Variants in RXFP1 observed in about 807,000 individuals in gnomAD.
The protein encoded by RXFP1 is relaxin family peptide receptor 1.
RXFP1 carries 73 observed loss-of-function variants against 89.8 expected under a neutral mutation model. The observed-to-expected ratio is 0.81, with a 90% CI of 0.67 to 0.99. The LOEUF (loss-of-function observed/expected upper bound fraction) is 0.99, where lower values mean the gene tolerates loss of function less well. Ranked by LOEUF, RXFP1 falls within the 50% of genes least tolerant of loss-of-function variation. The pLI is 0.00. For missense variants in RXFP1, 793 were observed against 895.5 expected, an observed-to-expected ratio of 0.89 and a Z score of 1.46; for synonymous variants, 277 against 305.5, an observed-to-expected ratio of 0.91 and a Z score of 0.97.
At chr4:158,607,840 T>C (rs1412367534) in intron 5 of RXFP1, 132 bp from the exon 6 acceptor site, 7 of 556,798 alleles carry the variant, frequency 1.3e-5, no homozygotes, top group Admixed American at 7.3e-5. Flanking sequence ...TTTTTAAGTC[T>C]ACCTTCAGAG....
intron 1 of RXFP1, among the ~76,000 whole-genome samples, chr4:158,535,534 G>C (rs903833520): frequency 2.0e-5 from 3 of 151,862 alleles, no homozygotes; most frequent in Non-Finnish European, 4.4e-5. Context: ...TACCAAAAAT[G>C]GACTAAAATG....
chr4:158,573,013 TTTTTG>T, intron 2 of RXFP1, 178 bp downstream of exon 2: 1 of 926,362 alleles, frequency 1.1e-6, no homozygotes, highest in Non-Finnish European at 1.5e-6. Flanking sequence ...TCTTTTCTTG[TTTTTG>T]TTTTTTTTTG....
chr4:158,607,267 T>C (rs1762700164), intron 5 of RXFP1: 4 of 653,834 alleles, frequency 6.1e-6, no homozygotes, highest in Non-Finnish European at 1.1e-5. Context: ...TATGTAAGCC[T>C]GCATTCTTGT....
rs76266100 is a variant in RXFP1 at position 158,579,907 on chromosome 4, G to A, written c.187+7072G>A. 3.5e-3 allele frequency among the ~76,000 whole-genome samples: 526 copies of A among 152,234 alleles called. 4 individuals carry two copies. The highest frequency in any genetic ancestry group is 0.02 in the East Asian group (102 of 5,180). ...GTGTTTTGTACTCTTTTATGTTATG[G>A]TGAGTCAGGTATGGCTACAAGAGAC... On this transcript the variant is annotated intron_variant, in intron 2 of 17. Coordinates refer to ENST00000307765, the MANE Select transcript of RXFP1 (RefSeq NM_021634.4).
At chr4:158,598,708 A>G (rs1579946905) in intron 3 of RXFP1, among the ~76,000 whole-genome samples, 1 of 152,106 alleles carries the variant, frequency 6.6e-6, no homozygotes. Flanking sequence ...AACACCAGTG[A>G]AAATAGAATC....
chr4:158,544,782 A>AT (rs1023703761), intron 1 of RXFP1, among the ~76,000 whole-genome samples: 7 of 152,022 alleles, frequency 4.6e-5, no homozygotes, highest in Non-Finnish European at 8.8e-5. Flanking sequence ...TGAACTCTTC[A>AT]TTTTTTATGG....
chr4:158,573,018 G>GTTTTTTTT, intron 2 of RXFP1, 183 bp downstream of exon 2: 3 of 723,610 alleles, frequency 4.1e-6, no homozygotes, highest in Non-Finnish European at 6.0e-6. Flanking sequence ...TCTTGTTTTT[G>GTTTTTTTT]TTTTTTTTTG....
At chr4:158,640,060 A>G (rs536390919) in intron 14 of RXFP1, among the ~76,000 whole-genome samples, 10 of 152,264 alleles carry the variant, frequency 6.6e-5, no homozygotes, top group East Asian at 1.9e-4. Context: ...CACTCAGTCT[A>G]TGGTATTTTT....
chr4:158,539,553 G>A (rs1006716926), intron 1 of RXFP1, among the ~76,000 whole-genome samples: 2 of 151,980 alleles, frequency 1.3e-5, no homozygotes, highest in Non-Finnish European at 2.9e-5. Flanking sequence ...AAGATGAAGA[G>A]TATTAACTAG....
chr4:158,589,948 A>G (rs1039515574), intron 2 of RXFP1, among the ~76,000 whole-genome samples: 1 of 152,054 alleles, frequency 6.6e-6, no homozygotes, highest in Non-Finnish European at 1.5e-5. Context: ...GCTACTCAGG[A>G]GGCTGAGGTG....
At chr4:158,650,338 A>G (rs1487724752) in intron 17 of RXFP1, among the ~76,000 whole-genome samples, 1 of 151,978 alleles carries the variant, frequency 6.6e-6, no homozygotes, top group African/African-American at 2.4e-5. Flanking sequence ...ACTTAATGCC[A>G]CTGAGCTGTC....
chr4:158,585,669 T>C (rs1014433111), intron 2 of RXFP1, among the ~76,000 whole-genome samples: 9 of 151,784 alleles, frequency 5.9e-5, no homozygotes, highest in Admixed American at 2.6e-4. Flanking sequence ...TTGAGCTGGA[T>C]GATAAAAGAA....
chr4:158,556,898 T>C (rs930461594), intron 1 of RXFP1, among the ~76,000 whole-genome samples: 3 of 152,138 alleles, frequency 2.0e-5, no homozygotes, highest in Admixed American at 6.5e-5. Context: ...CATAATATCA[T>C]AGATACAGAG....
intron 4 of RXFP1, among the ~76,000 whole-genome samples, chr4:158,603,896 A>AATAATAATG (rs1211101800): frequency 2.0e-4 from 20 of 99,776 alleles, no homozygotes; most frequent in African/African-American, 1.0e-3. Flanking sequence ...TCTCAATAAT[A>AATAATAATG]ATAATAATAA....
At chr4:158,527,562 A>ATATATATATATATATATATATATAT (rs1553989390) in intron 1 of RXFP1, among the ~76,000 whole-genome samples, 5 of 6,918 alleles carry the variant, frequency 7.2e-4, no homozygotes, top group African/African-American at 7.9e-4. Context: ...CAAAAAAAAA[A>ATATATATATATATATATATATATAT]AAATATATAT....
rs61463609 is a variant in RXFP1 at position 158,544,260 on chromosome 4, G to A, written c.49+22235G>A. The A allele has an allele frequency of 8.5e-3, 8,334 of 985,194 alleles. 513 individuals carry two copies. The African/African-American group carries it at 0.13, about 15-fold the overall frequency. The allele number at this position is 985,194 out of a possible 1,614,324, so 61.0% of individuals were successfully genotyped here. On this transcript the variant is annotated intron_variant, in intron 1 of 17. Transcript: ENST00000307765. ...AAATATGTCTATTTACATACATCATGTTTGTTTCTGACCTTGTGGGACAAT... is the reference window on the plus strand; with the variant it reads ...AAATATGTCTATTTACATACATCATATTTGTTTCTGACCTTGTGGGACAAT...
At chr4:158,622,514 T>C (rs1256817177) in intron 9 of RXFP1, among the ~76,000 whole-genome samples, 2 of 152,186 alleles carry the variant, frequency 1.3e-5, no homozygotes, top group African/African-American at 2.4e-5. Flanking sequence ...GTGGTAGATA[T>C]ATACAATGGA....
rs1156895781 is a variant in RXFP1 at position 158,545,917 on chromosome 4, T to G, written c.49+23892T>G. Among the ~76,000 whole-genome samples, 8 of 152,240 alleles carry G rather than the reference T, an allele frequency of 5.3e-5. No homozygotes were observed. In the East Asian group the frequency reaches 1.3e-3, roughly 26 times the overall value. ...CAGCTTTGTTCTTTTGGCTTAGGAT[T>G]GACTTGGCAATGTGGGCTCTTTTTT... On this transcript the variant is annotated intron_variant, in intron 1 of 17. Transcript: ENST00000307765.
intron 3 of RXFP1, among the ~76,000 whole-genome samples, chr4:158,595,584 C>CA (rs2150075572): frequency 6.6e-6 from 1 of 152,222 alleles, no homozygotes; most frequent in East Asian, 1.9e-4. Context: ...TTTTCTCTTG[C>CA]AAAAATTATT....
Sources: gnomAD v4.1 joint callset for allele counts (sites outside exome capture counted in the v4.1 genomes callset) on GRCh38, gnomAD v4.1.1 for gene constraint, MANE v1.5 for transcripts, NCBI Gene and HGNC (gene_info 2026-07-23, HGNC 2026-07-21) for gene names.